The following PTPRD variants were observed in gnomAD, a reference collection of about 807,000 sequenced individuals.
PTPRD encodes the protein protein tyrosine phosphatase receptor type D.
PTPRD carries 34 observed loss-of-function variants against 214.5 expected under a neutral mutation model. The observed-to-expected ratio is 0.16, with a 90% CI of 0.12 to 0.21. The LOEUF is 0.21. Ranked by LOEUF, PTPRD falls within the 10% of genes least tolerant of loss-of-function variation. PTPRD has a pLI of 1.00. For synonymous variants in PTPRD, 1,128 were observed against 845.7 expected (o/e 1.33, Z -5.79); for missense variants, 2,545 against 2,398.7 (o/e 1.06, Z -1.27).
intron 8 of PTPRD, among the ~76,000 whole-genome samples, chr9:9,438,811 TC>T: frequency 6.6e-6 from 1 of 152,314 alleles, no homozygotes; most frequent in East Asian, 1.9e-4. Context: ...CTAATTTCTT[TC>T]AAAGTATAAA....
At chr9:8,919,378 T>C (rs1344468047) in intron 11 of PTPRD, among the ~76,000 whole-genome samples, 2 of 124,510 alleles carry the variant, frequency 1.6e-5, no homozygotes, top group African/African-American at 6.2e-5. Flanking sequence ...TGGGACAGAG[T>C]GAGACCCTGT....
intron 12 of PTPRD, among the ~76,000 whole-genome samples, chr9:8,697,828 G>C (rs1345701057): frequency 2.0e-5 from 3 of 152,028 alleles, no homozygotes; most frequent in Non-Finnish European, 4.4e-5. Flanking sequence ...TTATTGGTGG[G>C]AAGAATAAAC....
In PTPRD at chr9:8,592,633, GTCT is replaced by G. The variant is rs561342611; in HGVS notation, c.352+40681_352+40683del. 1.4e-3 allele frequency among the ~76,000 whole-genome samples: 219 copies of G among 152,196 alleles called. 1 individual carries two copies. Among genetic ancestry groups the G allele is most frequent in the African/African-American group, 5.0e-3 (206 of 41,550 alleles). Reference sequence around the variant, plus strand: ...CAAAATAATAAGCAGGCTTCCTGATGTCTTTTCTTTATTCACATGACAAAGGTT... The same window carrying G: ...CAAAATAATAAGCAGGCTTCCTGATGTTTCTTTATTCACATGACAAAGGTT... On this transcript the variant is annotated intron_variant, in intron 14 of 45. Transcript: ENST00000381196.
intron 3 of PTPRD, among the ~76,000 whole-genome samples, chr9:10,100,434 CCAGGTAGAGAAGGCAA>C (rs1679281747): frequency 6.6e-6 from 1 of 151,576 alleles, no homozygotes; most frequent in Admixed American, 6.6e-5. Flanking sequence ...TATTATTTCT[CCAGGTAGAGAAGGCAA>C]TTGCAAGAAT....
chr9:8,724,637 T>C (rs903541477), intron 12 of PTPRD, among the ~76,000 whole-genome samples: 2 of 152,086 alleles, frequency 1.3e-5, no homozygotes, highest in Non-Finnish European at 2.9e-5. Context: ...TTACCCAGTC[T>C]CCACCACTTA....
At chr9:10,246,031 C>T (rs915632682) in intron 3 of PTPRD, among the ~76,000 whole-genome samples, 3 of 152,016 alleles carry the variant, frequency 2.0e-5, no homozygotes, top group Non-Finnish European at 2.9e-5. Flanking sequence ...TTTGTATTTC[C>T]TTTGGCCTCC....
At chr9:9,056,410 G>A (rs138664720) in intron 10 of PTPRD, among the ~76,000 whole-genome samples, 5 of 152,236 alleles carry the variant, frequency 3.3e-5, no homozygotes, top group Non-Finnish European at 5.9e-5. Context: ...GCAGTAACCC[G>A]CATAGCACAG....
chr9:8,816,535 T>C (rs568309160), intron 11 of PTPRD, among the ~76,000 whole-genome samples: 4 of 152,210 alleles, frequency 2.6e-5, no homozygotes, highest in Non-Finnish European at 5.9e-5. Flanking sequence ...GAAATCATTC[T>C]TCCATGCAAC....
At chr9:9,867,595 A>G (rs1454604602) in intron 5 of PTPRD, among the ~76,000 whole-genome samples, 1 of 152,162 alleles carries the variant, frequency 6.6e-6, no homozygotes, top group Non-Finnish European at 1.5e-5. Flanking sequence ...GGAGAATAAA[A>G]AATAAAAAGC....
At chr9:9,597,358 CT>C (rs1563952359) in intron 7 of PTPRD, among the ~76,000 whole-genome samples, 1 of 151,960 alleles carries the variant, frequency 6.6e-6, no homozygotes, top group African/African-American at 2.4e-5. Flanking sequence ...ACAACTTATA[CT>C]TTTAAATGAC....
intron 10 of PTPRD, among the ~76,000 whole-genome samples, chr9:9,065,555 AG>A (rs1474561868): frequency 6.6e-6 from 1 of 152,190 alleles, no homozygotes; most frequent in Non-Finnish European, 1.5e-5. Context: ...TGAAGCTGAC[AG>A]GGGTTTTCAG....
chr9:8,742,124 G>A (rs998381148), intron 11 of PTPRD, among the ~76,000 whole-genome samples: 1 of 152,030 alleles, frequency 6.6e-6, no homozygotes, highest in Non-Finnish European at 1.5e-5. Flanking sequence ...CATTAGTTAT[G>A]ACCAATAAAC....
chr9:10,138,813 A>G (rs1284090639), intron 3 of PTPRD, among the ~76,000 whole-genome samples: 1 of 152,132 alleles, frequency 6.6e-6, no homozygotes, highest in African/African-American at 2.4e-5. Context: ...TATGACCTCA[A>G]TAGATTCAGA....
At chr9:8,716,133 C>T (rs1219769878) in intron 12 of PTPRD, among the ~76,000 whole-genome samples, 1 of 152,138 alleles carries the variant, frequency 6.6e-6, no homozygotes, top group Non-Finnish European at 1.5e-5. Flanking sequence ...TTGCACCAAC[C>T]TAATAACCTA....
chr9:8,433,814 A>G (rs1323391516), intron 35 of PTPRD, among the ~76,000 whole-genome samples: 1 of 152,208 alleles, frequency 6.6e-6, no homozygotes, highest in Non-Finnish European at 1.5e-5. Flanking sequence ...AAACTTTTAA[A>G]ATAAATTTGG....
chr9:9,618,153 G>A (rs997457469), intron 7 of PTPRD, among the ~76,000 whole-genome samples: 18 of 149,658 alleles, frequency 1.2e-4, no homozygotes, highest in African/African-American at 4.4e-4. Context: ...CAAGATTGGA[G>A]GTGGGGTATT....
chr9:8,824,484 C>G (rs1011755649), intron 11 of PTPRD, among the ~76,000 whole-genome samples: 1 of 152,102 alleles, frequency 6.6e-6, no homozygotes, highest in Non-Finnish European at 1.5e-5. Flanking sequence ...TGAGTTTTGA[C>G]AAAAGGTGGT....
intron 10 of PTPRD, among the ~76,000 whole-genome samples, chr9:9,044,235 T>C (rs2154385730): frequency 6.6e-6 from 1 of 152,344 alleles, no homozygotes; most frequent in East Asian, 1.9e-4. Flanking sequence ...AGGCTAAATA[T>C]CATCTGAAAA....
intron 2 of PTPRD, among the ~76,000 whole-genome samples, chr9:10,509,557 TTATATA>T (rs3076461): frequency 0.27 from 29,233 of 106,630 alleles, 4,630 homozygotes; most frequent in Admixed American, 0.44. Flanking sequence ...TTAATAAATA[TTATATA>T]TATATATATA....
Sources: allele counts gnomAD v4.1 joint callset (sites outside exome capture counted in the v4.1 genomes callset), GRCh38; gene constraint gnomAD v4.1.1; transcripts MANE v1.5; gene names NCBI Gene and HGNC (gene_info 2026-07-23, HGNC 2026-07-21).